RBM26: variants seen among roughly 807,000 people sequenced by gnomAD.
The protein encoded by RBM26 is RNA binding motif protein 26.
RBM26 carries 30 observed loss-of-function variants against 123.6 expected under a neutral mutation model. The observed-to-expected ratio is 0.24, with a 90% CI of 0.18 to 0.33. The LOEUF is 0.33. Among genes scored for constraint, RBM26 ranks in the 10% least tolerant of loss-of-function variants. The pLI is 1.00. For synonymous variants in RBM26, 400 were observed against 404.4 expected (o/e 0.99, Z 0.13); for missense variants, 947 against 1,203.6 (o/e 0.79, Z 3.15).
At chr13:79,362,184 T>C (rs112912596) in intron 9 of RBM26, among the ~76,000 whole-genome samples, 9 of 152,274 alleles carry the variant, frequency 5.9e-5, no homozygotes, top group Admixed American at 2.0e-4. Context: ...AAACTAAATT[T>C]ATCTTTCTGT....
chr13:79,382,697 G>C (rs529380670), intron 1 of RBM26, among the ~76,000 whole-genome samples: 5 of 152,244 alleles, frequency 3.3e-5, no homozygotes, highest in East Asian at 1.9e-4. Context: ...TAAAGGAAAT[G>C]AAAGTGTGAA....
At chr13:79,367,406 C>CAAAAAAAAAAAAAAAAAAAAAAAAAAAA (rs776345304) in intron 6 of RBM26, among the ~76,000 whole-genome samples, 21 of 39,652 alleles carry the variant, frequency 5.3e-4, no homozygotes, top group Admixed American at 1.5e-3. Context: ...GACTCCATCT[C>CAAAAAAAAAAAAAAAAAAAAAAAAAAAA]AAAAAAAAAA....
At chr13:79,351,130 C>A (rs1454080006) in intron 14 of RBM26, among the ~76,000 whole-genome samples, 1 of 152,060 alleles carries the variant, frequency 6.6e-6, no homozygotes, top group Non-Finnish European at 1.5e-5. Flanking sequence ...TTTGTACTCA[C>A]AATACACTGC....
intron 2 of RBM26, 77 bp downstream of exon 2, chr13:79,378,712 T>C: frequency 2.3e-6 from 2 of 855,472 alleles, no homozygotes; most frequent in Non-Finnish European, 3.6e-6. Context: ...AGTGCTAGGA[T>C]TACAGGCGTG....
intron 1 of RBM26, among the ~76,000 whole-genome samples, chr13:79,397,452 G>C (rs2140489908): frequency 6.6e-6 from 1 of 151,894 alleles, no homozygotes; most frequent in South Asian, 2.1e-4. Context: ...GAGGCAGGCG[G>C]ATCATGAGGT....
At chr13:79,366,946 T>A in intron 6 of RBM26, 74 bp from the exon 7 acceptor site, 1 of 1,228,794 alleles carries the variant, frequency 8.1e-7, no homozygotes. Context: ...TTAGCAAAAG[T>A]AAAATATTTA....
chr13:79,356,370 A>AG, intron 11 of RBM26, among the ~76,000 whole-genome samples: 1 of 3,916 alleles, frequency 2.6e-4, no homozygotes, highest in South Asian at 0.019. Flanking sequence ...ACTCTGTCTC[A>AG]AAAAAAAAAA....
chr13:79,319,088 G>C lies in RBM26; in HGVS notation c.*1533C>G, dbSNP rs888194929. ...GAATTGCAAGGCAAAGCATTTCTAT[G>C]AAATAGTGTTACCATCAAGAAAATA... On this transcript the variant is annotated 3_prime_UTR_variant, in exon 22 of 22. Coordinates refer to ENST00000438737, the MANE Select transcript of RBM26 (RefSeq NM_001366735.2). 1 of 984,182 alleles carries C rather than the reference G, an allele frequency of 1.0e-6. No homozygotes were observed. The highest frequency in any genetic ancestry group is 1.7e-5 in the African/African-American group (1 of 57,216). The allele number at this position is 984,182 out of a possible 1,614,324, so 61.0% of individuals were successfully genotyped here.
At chr13:79,382,138 A>G (rs2077112847) in intron 1 of RBM26, among the ~76,000 whole-genome samples, 1 of 152,092 alleles carries the variant, frequency 6.6e-6, no homozygotes, top group African/African-American at 2.4e-5. Context: ...TTTGTCTTAA[A>G]TGTTATATTA....
rs781577500 is a variant in RBM26, at chr13:79,354,549, G to T, written c.1876C>A (p.Gln626Lys). 11 of 1,603,096 alleles carry T rather than the reference G, an allele frequency of 6.9e-6. No homozygotes were observed. The Admixed American group carries it at 1.2e-4, about 17-fold the overall frequency. Reference protein sequence around the residue: ...SPKVMQPLVQQPILPVVKQSV... With the variant: ...SPKVMQPLVQKPILPVVKQSV... ...TGCTTCACAACAGGCAAAATGGGCT[G>T]CTGGACTAAAGGCTGCATTACCTCA... Residue 626 changes from glutamine to lysine, a missense_variant, in exon 13 of 22, where the codon CAG becomes AAG. Transcript: ENST00000438737.
intron 1 of RBM26, among the ~76,000 whole-genome samples, chr13:79,383,666 T>C (rs1407765190): frequency 2.0e-5 from 3 of 147,166 alleles, no homozygotes; most frequent in Admixed American, 1.4e-4. Flanking sequence ...GGAATTTACA[T>C]TGGGGGGTGG....
intron 1 of RBM26, among the ~76,000 whole-genome samples, chr13:79,390,740 G>GGT (rs1185613054): frequency 6.6e-6 from 1 of 151,956 alleles, no homozygotes; most frequent in Non-Finnish European, 1.5e-5. Context: ...CTCAATGACG[G>GGT]GTATGTCACT....
chr13:79,366,557 T>C (rs2075288737), intron 7 of RBM26, 76 bp downstream of exon 7: 2 of 1,406,038 alleles, frequency 1.4e-6, no homozygotes, highest in African/African-American at 1.4e-5. Context: ...ATACTTTTAA[T>C]TTAAGAATCT....
In RBM26 at chr13:79,372,054, G is replaced by A. The variant is rs563693914; in HGVS notation, c.328-124C>T. On this transcript the variant is annotated intron_variant, in intron 3 of 21. Transcript: ENST00000438737. ...CCAGCACTTTGGGAGGCTGAGGCGGGTGGTTCACGAAGTCGGAAGTTCGAC... is the reference window on the plus strand; with the variant it reads ...CCAGCACTTTGGGAGGCTGAGGCGGATGGTTCACGAAGTCGGAAGTTCGAC... 62 of 656,456 alleles carry A rather than the reference G, an allele frequency of 9.4e-5. No individual in the cohort carries two copies. The South Asian group carries it at 1.1e-3, about 12-fold the overall frequency. 40.7% of individuals were successfully genotyped at this position (656,456 alleles called of 1,614,324 possible).
At chr13:79,325,744 T>C (rs1233141371) in intron 20 of RBM26, among the ~76,000 whole-genome samples, 2 of 152,188 alleles carry the variant, frequency 1.3e-5, no homozygotes, top group African/African-American at 4.8e-5. Context: ...GTACAGTGTT[T>C]ATAAGGTCTA....
chr13:79,396,282 G>A (rs2078553485), intron 1 of RBM26, among the ~76,000 whole-genome samples: 1 of 151,638 alleles, frequency 6.6e-6, no homozygotes, highest in Non-Finnish European at 1.5e-5. Context: ...TTTTAAAAGG[G>A]AATCATAAAA....
chr13:79,390,218 A>G (rs1418837483), intron 1 of RBM26, among the ~76,000 whole-genome samples: 1 of 152,170 alleles, frequency 6.6e-6, no homozygotes. Context: ...TAATGAGAGC[A>G]TTATTATTGT....
chr13:79,347,981 A>T (rs1236989736), intron 14 of RBM26, among the ~76,000 whole-genome samples: 2 of 152,084 alleles, frequency 1.3e-5, no homozygotes, highest in African/African-American at 4.8e-5. Flanking sequence ...AGAGTGTTTA[A>T]TGTAACTAAG....
chr13:79,394,637 ATTTTAT>A (rs2078396907), intron 1 of RBM26, among the ~76,000 whole-genome samples: 1 of 151,982 alleles, frequency 6.6e-6, no homozygotes, highest in African/African-American at 2.4e-5. Context: ...GCTAAATTTT[ATTTTAT>A]TTTTATTTTT....
Sources: allele counts gnomAD v4.1 joint callset (sites outside exome capture counted in the v4.1 genomes callset), GRCh38; gene constraint gnomAD v4.1.1; transcripts MANE v1.5; gene names NCBI Gene and HGNC (gene_info 2026-07-23, HGNC 2026-07-21).